Variants in SDK1 observed in about 807,000 individuals in gnomAD.
SDK1 encodes sidekick cell adhesion molecule 1, also known as protein sidekick-1.
SDK1 carries 157 observed loss-of-function variants against 245.5 expected under a neutral mutation model. The ratio of observed to expected loss-of-function variants is 0.64; its 90% CI spans 0.56 to 0.73. The LOEUF is 0.73. Ranked by LOEUF, SDK1 falls within the 30% of genes least tolerant of loss-of-function variation. SDK1 has a pLI of 0.00. For missense variants in SDK1, 3,583 were observed against 3,002.3 expected (o/e 1.19, Z -4.52); for synonymous variants, 1,647 against 1,278.5 (o/e 1.29, Z -6.15).
At chr7:3,831,596 T>TGTA (rs1207200522) in intron 5 of SDK1, among the ~76,000 whole-genome samples, 1 of 152,070 alleles carries the variant, frequency 6.6e-6, no homozygotes, top group East Asian at 1.9e-4. Context: ...TTTTGCTGAG[T>TGTA]GTAGGCCTGA....
chr7:4,178,343 CAGGT>C, intron 34 of SDK1, 138 bp from the exon 35 acceptor site: 1 of 694,376 alleles, frequency 1.4e-6, no homozygotes, highest in Non-Finnish European at 2.6e-6. Flanking sequence ...ACAGTGGATG[CAGGT>C]ATTTCACAGA....
chr7:3,993,245 A>C (rs993789957), intron 14 of SDK1, among the ~76,000 whole-genome samples: 1 of 152,210 alleles, frequency 6.6e-6, no homozygotes, highest in Non-Finnish European at 1.5e-5. Flanking sequence ...CTAGTTCTCA[A>C]ACTGAGCCTC....
At chr7:3,337,329 A>G (rs1474038780) in intron 1 of SDK1, among the ~76,000 whole-genome samples, 1 of 152,162 alleles carries the variant, frequency 6.6e-6, no homozygotes, top group East Asian at 1.9e-4. Context: ...GAACTTGAAG[A>G]CAGAAAATTA....
intron 13 of SDK1, among the ~76,000 whole-genome samples, chr7:3,980,062 C>A (rs1331970946): frequency 6.6e-6 from 1 of 152,158 alleles, no homozygotes; most frequent in Non-Finnish European, 1.5e-5. Context: ...TTATCAAGCC[C>A]TGTCATCTTC....
rs1780918613 is a variant in SDK1, at chr7:4,079,464, C to A, written c.3204C>A (p.Asp1068Glu). Reference sequence around the variant, plus strand: ...CTTTCCTCCCTGGTTCCTCTCTAGACCTTCCTGGTGCCCCATCCAACCTGG... The same window carrying A: ...CTTTCCTCCCTGGTTCCTCTCTAGAACTTCCTGGTGCCCCATCCAACCTGG... Reference protein sequence around the residue: ...SSTISSGVPPDLPGAPSNLVI... With the variant: ...SSTISSGVPPELPGAPSNLVI... Residue 1068 changes from aspartate (D) to glutamate (E), a missense_variant and splice_region_variant, in exon 22 of 45, where the codon GAC becomes GAA. Transcript: ENST00000404826. 3 of 1,614,056 alleles carry A rather than the reference C, an allele frequency of 1.9e-6. No homozygotes were observed. In the African/African-American group the frequency reaches 4.0e-5, roughly 22 times the overall value.
intron 4 of SDK1, among the ~76,000 whole-genome samples, chr7:3,792,965 A>G (rs1197032384): frequency 6.6e-6 from 1 of 152,184 alleles, no homozygotes; most frequent in Non-Finnish European, 1.5e-5. Flanking sequence ...CTTTGTAATA[A>G]CTCAAGCCTT....
At chr7:3,598,184 T>G (rs1168419609) in intron 1 of SDK1, among the ~76,000 whole-genome samples, 1 of 152,212 alleles carries the variant, frequency 6.6e-6, no homozygotes, top group Admixed American at 6.5e-5. Context: ...GTGGGCTGTT[T>G]GTAGATCTTC....
chr7:3,860,163 G>A (rs887368293), intron 5 of SDK1, among the ~76,000 whole-genome samples: 3 of 151,878 alleles, frequency 2.0e-5, no homozygotes, highest in East Asian at 1.9e-4. Context: ...CTCGTGATCC[G>A]CCTGCCTCAG....
At chr7:4,180,041 A>G (rs1166606387) in intron 35 of SDK1, among the ~76,000 whole-genome samples, 1 of 152,052 alleles carries the variant, frequency 6.6e-6, no homozygotes, top group East Asian at 1.9e-4. Context: ...ACCGAGGCAG[A>G]CGTCCAGAGA....
At chr7:3,811,146 C>T (rs902967256) in intron 4 of SDK1, among the ~76,000 whole-genome samples, 12 of 152,226 alleles carry the variant, frequency 7.9e-5, no homozygotes, top group Admixed American at 5.9e-4. Flanking sequence ...GAGCCAGCCT[C>T]ATTCACCTCA....
intron 1 of SDK1, among the ~76,000 whole-genome samples, chr7:3,492,430 C>A (rs185457066): frequency 8.1e-4 from 123 of 152,286 alleles, no homozygotes; most frequent in African/African-American, 2.9e-3. Flanking sequence ...CAAGGTGGAG[C>A]TTGCGGTGAG....
chr7:3,991,040 G>T (rs1044817109), intron 14 of SDK1, among the ~76,000 whole-genome samples: 1 of 152,220 alleles, frequency 6.6e-6, no homozygotes, highest in Admixed American at 6.5e-5. Flanking sequence ...TGTCCACTGC[G>T]AACAGCAAGG....
At chr7:3,672,796 A>ATATATATATATATATATATATATAT (rs1554307151) in intron 4 of SDK1, among the ~76,000 whole-genome samples, 5 of 53,412 alleles carry the variant, frequency 9.4e-5, no homozygotes, top group Admixed American at 2.2e-4. Flanking sequence ...TATATATATA[A>ATATATATATATATATATATATATAT]AAAATACAGA....
intron 5 of SDK1, among the ~76,000 whole-genome samples, chr7:3,941,907 CTTT>C (rs72338979): frequency 1.6e-5 from 2 of 128,178 alleles, no homozygotes. Flanking sequence ...AGACTTCATT[CTTT>C]TTTTTTTTTT....
chr7:3,679,503 C>G (rs1194377529), intron 4 of SDK1, among the ~76,000 whole-genome samples: 6 of 152,048 alleles, frequency 3.9e-5, no homozygotes, highest in South Asian at 2.1e-4. Context: ...GGAGGTGGAG[C>G]TTGCAGTGAG....
At chr7:3,792,659 C>T (rs1360139518) in intron 4 of SDK1, among the ~76,000 whole-genome samples, 1 of 151,116 alleles carries the variant, frequency 6.6e-6, no homozygotes, top group African/African-American at 2.4e-5. Flanking sequence ...TCCATCCATC[C>T]ATCTAACTAC....
At position 3,418,145 on chromosome 7, in the gene SDK1, G is replaced by GCAAAAAAAAAAAAAAAAAAAAAAAAA. The variant is rs1292199670; in HGVS notation, c.298+116261_298+116262insCAAAAAAAAAAAAAAAAAAAAAAAAA. Among the ~76,000 whole-genome samples, 20 of 119,724 alleles carry GCAAAAAAAAAAAAAAAAAAAAAAAAA rather than the reference G, an allele frequency of 1.7e-4. 3 individuals are homozygous for GCAAAAAAAAAAAAAAAAAAAAAAAAA. Among genetic ancestry groups the GCAAAAAAAAAAAAAAAAAAAAAAAAA allele is most frequent in the African/African-American group, 6.6e-4 (17 of 25,782 alleles). The allele number at this position is 119,724 out of a possible 152,430, so 78.5% of individuals were successfully genotyped here. On this transcript the variant is annotated intron_variant, in intron 1 of 44. Coordinates refer to ENST00000404826, the MANE Select transcript of SDK1 (RefSeq NM_152744.4). ...GTGAAACCCGATCTCTACTAAAAATGAAAAAAAAAAAAAAAAAAAAAAATA... is the reference window on the plus strand; with the variant it reads ...GTGAAACCCGATCTCTACTAAAAATGCAAAAAAAAAAAAAAAAAAAAAAAAAAAAAAAAAAAAAAAAAAAAAAAATA...
intron 1 of SDK1, among the ~76,000 whole-genome samples, chr7:3,600,668 C>T (rs1781227334): frequency 6.6e-6 from 1 of 151,034 alleles, no homozygotes; most frequent in Admixed American, 6.6e-5. Flanking sequence ...CCTACCTCAG[C>T]CTCCCATGTA....
At chr7:4,209,396 G>A (rs1036368180) in intron 37 of SDK1, among the ~76,000 whole-genome samples, 2 of 152,130 alleles carry the variant, frequency 1.3e-5, no homozygotes, top group African/African-American at 2.4e-5. Flanking sequence ...CCCAGTACAC[G>A]CCCACCTTAC....
Sources: allele counts gnomAD v4.1 joint callset (sites outside exome capture counted in the v4.1 genomes callset), GRCh38; gene constraint gnomAD v4.1.1; transcripts MANE v1.5; gene names NCBI Gene and HGNC (gene_info 2026-07-23, HGNC 2026-07-21).